Variants in TBC1D22A observed in about 807,000 individuals in gnomAD.
TBC1D22A encodes putative GTPase activator.
A neutral mutation model predicts 60.2 loss-of-function variants in TBC1D22A; 38 were observed. That is an observed-to-expected ratio of 0.63 (90% CI 0.49 to 0.83). The LOEUF (loss-of-function observed/expected upper bound fraction) is 0.83. TBC1D22A is among the 40% of genes least tolerant of loss of function. The probability of loss-of-function intolerance (pLI) is 0.00; values close to 1 mark genes in which losing one functional copy is unlikely to be tolerated. For missense variants in TBC1D22A, 628 were observed against 701.0 expected, an observed-to-expected ratio of 0.90 and a Z score of 1.18; for synonymous variants, 302 against 281.7, an observed-to-expected ratio of 1.07 and a Z score of -0.72.
chr22:46,954,591 G>A (rs2073092147), intron 8 of TBC1D22A, among the ~76,000 whole-genome samples: 1 of 152,302 alleles, frequency 6.6e-6, no homozygotes, highest in East Asian at 1.9e-4. Flanking sequence ...TCCATGCTCT[G>A]GGTGGAGAGC....
intron 4 of TBC1D22A, among the ~76,000 whole-genome samples, chr22:46,819,543 T>C (rs1266144031): frequency 3.3e-5 from 5 of 152,264 alleles, no homozygotes; most frequent in Admixed American, 3.3e-4. Flanking sequence ...TTATGTTTAT[T>C]GATTTGCATA....
intron 10 of TBC1D22A, among the ~76,000 whole-genome samples, chr22:47,020,882 A>G (rs1269395170): frequency 1.3e-5 from 2 of 151,340 alleles, no homozygotes; most frequent in Non-Finnish European, 2.9e-5. Flanking sequence ...TAATTATTAT[A>G]TAAGACTCCC....
intron 3 of TBC1D22A, among the ~76,000 whole-genome samples, chr22:46,796,175 G>C (rs116623896): frequency 0.013 from 1,966 of 152,260 alleles, 47 homozygotes; most frequent in African/African-American, 0.045. Context: ...GTGGGCAGCG[G>C]GGATGGGGGA....
Position 47,028,434 on chromosome 22 carries a change from G to A in TBC1D22A, c.1202-8637G>A, listed in dbSNP as rs374174271. Among the ~76,000 whole-genome samples, 26 of 118,648 alleles carry A rather than the reference G, an allele frequency of 2.2e-4. No individual in the cohort carries two copies. In the East Asian group the frequency reaches 5.2e-3, roughly 24 times the overall value. 77.8% of individuals were successfully genotyped at this position (118,648 alleles called of 152,430 possible). On this transcript the variant is annotated intron_variant, in intron 10 of 12. Coordinates refer to ENST00000337137, the MANE Select transcript of TBC1D22A (RefSeq NM_014346.5). This position sits in a 1 kb window ranked among gnomAD's most constrained non-coding sequence, Gnocchi z 4.4. ...GCCCAGGTTCTGAGAGCGAGTGGTC[G>A]CATTCCTGTCCCTCGGTCCCTGTCC...
chr22:46,937,455 A>G (rs897663877), intron 8 of TBC1D22A, among the ~76,000 whole-genome samples: 2 of 152,232 alleles, frequency 1.3e-5, no homozygotes, highest in Non-Finnish European at 1.5e-5. Context: ...GCTGGTGTCA[A>G]CAAACCTACT....
intron 12 of TBC1D22A, among the ~76,000 whole-genome samples, chr22:47,121,357 T>C (rs76895488): frequency 0.012 from 1,852 of 152,318 alleles, 38 homozygotes; most frequent in African/African-American, 0.042. Context: ...CCAGTAATTC[T>C]CCTTGTTTAT....
At chr22:46,798,884 C>A (rs557744641) in intron 4 of TBC1D22A, among the ~76,000 whole-genome samples, 19 of 152,270 alleles carry the variant, frequency 1.2e-4, no homozygotes, top group African/African-American at 4.3e-4. Flanking sequence ...AAGCCCAGGG[C>A]AGGGAGAGGG....
intron 12 of TBC1D22A, among the ~76,000 whole-genome samples, chr22:47,165,816 C>G (rs117257468): frequency 2.0e-5 from 3 of 152,180 alleles, no homozygotes; most frequent in African/African-American, 7.2e-5. Context: ...GGCCTCCCCA[C>G]TGCAGACAGC....
At chr22:47,123,825 AGT>A (rs1335859094) in intron 12 of TBC1D22A, among the ~76,000 whole-genome samples, 2 of 152,174 alleles carry the variant, frequency 1.3e-5, no homozygotes, top group Admixed American at 1.3e-4. Flanking sequence ...CATGTGTGAA[AGT>A]GTGGGGTTTG....
intron 10 of TBC1D22A, among the ~76,000 whole-genome samples, chr22:47,021,686 T>C (rs2148341065): frequency 6.6e-6 from 1 of 152,376 alleles, no homozygotes; most frequent in South Asian, 2.1e-4. Flanking sequence ...CCATAGAGAC[T>C]GTGACCCATA....
chr22:46,782,476 C>T (rs1282080327), intron 1 of TBC1D22A, among the ~76,000 whole-genome samples: 1 of 152,240 alleles, frequency 6.6e-6, no homozygotes, highest in African/African-American at 2.4e-5. Context: ...TCCTTTCCTC[C>T]CTTCCATCTT....
At chr22:47,042,242 C>G (rs1407722566) in intron 11 of TBC1D22A, among the ~76,000 whole-genome samples, 1 of 152,230 alleles carries the variant, frequency 6.6e-6, no homozygotes, top group Non-Finnish European at 1.5e-5. Context: ...GTTCCAGTCT[C>G]TCAGTTACCA....
chr22:46,933,058 G>A (rs909925428), intron 8 of TBC1D22A, among the ~76,000 whole-genome samples: 1 of 152,086 alleles, frequency 6.6e-6, no homozygotes, highest in Non-Finnish European at 1.5e-5. Flanking sequence ...GGGAGGAAGT[G>A]CTGGGAGCAG....
chr22:47,121,173 A>G (rs2066259466), intron 12 of TBC1D22A, among the ~76,000 whole-genome samples: 1 of 152,258 alleles, frequency 6.6e-6, no homozygotes, highest in Admixed American at 6.5e-5. Context: ...ATTAGTAAAG[A>G]ATCGAAAATG....
chr22:46,948,167 A>G (rs1464454564), intron 8 of TBC1D22A, among the ~76,000 whole-genome samples: 2 of 152,254 alleles, frequency 1.3e-5, no homozygotes, highest in Non-Finnish European at 2.9e-5. Flanking sequence ...ATATCTTCAA[A>G]TAAAACATTT....
intron 11 of TBC1D22A, among the ~76,000 whole-genome samples, chr22:47,055,713 G>A (rs2063369827): frequency 6.6e-6 from 1 of 152,072 alleles, no homozygotes; most frequent in African/African-American, 2.4e-5. Flanking sequence ...AGGCTGGGGA[G>A]GAGCTGTTCT....
chr22:47,065,998 C>T (rs5769347), intron 11 of TBC1D22A, among the ~76,000 whole-genome samples: 41,239 of 152,020 alleles, frequency 0.27, 6,168 homozygotes, highest in East Asian at 0.57. Context: ...CTCTGAGTCA[C>T]GCCACCCTGT....
At chr22:46,779,124 G>T (rs147632940) in intron 1 of TBC1D22A, among the ~76,000 whole-genome samples, 99 of 152,330 alleles carry the variant, frequency 6.5e-4, no homozygotes, top group Non-Finnish European at 9.8e-4. Context: ...TTATGATCAA[G>T]TATTACGTAC....
intron 11 of TBC1D22A, among the ~76,000 whole-genome samples, chr22:47,079,711 T>C (rs979366158): frequency 1.3e-5 from 2 of 152,064 alleles, no homozygotes; most frequent in East Asian, 1.9e-4. Context: ...AGTCTGGACA[T>C]GTAGGAAAAA....
Sources: gnomAD v4.1 joint callset for allele counts (sites outside exome capture counted in the v4.1 genomes callset) on GRCh38, gnomAD v4.1.1 for gene constraint, Gnocchi (gnomAD v3.1) non-coding constraint, MANE v1.5 for transcripts, NCBI Gene and HGNC (gene_info 2026-07-23, HGNC 2026-07-21) for gene names.